Variants in RBFOX1 observed in about 807,000 individuals in gnomAD.
RBFOX1 encodes the protein RNA binding protein fox-1 homolog 1.
In RBFOX1, 8 loss-of-function variants were observed where a neutral mutation model predicts 57.7. The observed-to-expected ratio is 0.14, with a 90% CI of 0.08 to 0.25. The LOEUF (loss-of-function observed/expected upper bound fraction) is 0.25, where lower values mean the gene tolerates loss of function less well. Ranked by LOEUF, RBFOX1 falls within the 10% of genes least tolerant of loss-of-function variation. The pLI, the probability that RBFOX1 is intolerant of heterozygous loss-of-function variation, is 1.00. For synonymous variants in RBFOX1, 326 were observed against 222.4 expected, an observed-to-expected ratio of 1.47 and a Z score of -4.15; for missense variants, 611 against 548.5, an observed-to-expected ratio of 1.11 and a Z score of -1.14.
At chr16:7,227,305 C>A (rs1168846128) in intron 4 of RBFOX1, among the ~76,000 whole-genome samples, 1 of 132,372 alleles carries the variant, frequency 7.6e-6, no homozygotes, top group Admixed American at 8.2e-5. Flanking sequence ...CACACACACA[C>A]ACAGCAAGGG....
intron 3 of RBFOX1, among the ~76,000 whole-genome samples, chr16:5,616,413 C>T (rs1003663499): frequency 6.6e-6 from 1 of 152,158 alleles, no homozygotes; most frequent in Non-Finnish European, 1.5e-5. Flanking sequence ...TCCTGAGAGC[C>T]TTGGCTCAGA....
At chr16:6,873,833 T>G (rs1466860661) in intron 3 of RBFOX1, 2 of 152,166 alleles carry the variant, frequency 1.3e-5, no homozygotes, top group Non-Finnish European at 2.9e-5. Flanking sequence ...ACCGAGACTT[T>G]GAAACATTAA....
At chr16:6,513,064 A>G (rs575530107) in intron 2 of RBFOX1, among the ~76,000 whole-genome samples, 40 of 152,324 alleles carry the variant, frequency 2.6e-4, no homozygotes, top group African/African-American at 9.1e-4. Flanking sequence ...AATATGGCAC[A>G]GTATTGAAGA....
intron 4 of RBFOX1, among the ~76,000 whole-genome samples, chr16:7,361,054 T>G (rs945300666): frequency 1.3e-5 from 2 of 152,224 alleles, no homozygotes; most frequent in Non-Finnish European, 2.9e-5. Context: ...GCGTGGTAGA[T>G]GTTTGTAAAC....
At chr16:5,572,503 C>G (rs1041156644) in intron 2 of RBFOX1, among the ~76,000 whole-genome samples, 1 of 152,284 alleles carries the variant, frequency 6.6e-6, no homozygotes, top group Middle Eastern at 3.4e-3. Context: ...TCTCTACTCA[C>G]TGGATACATG....
chr16:5,665,767 C>A lies in RBFOX1; in HGVS notation c.318+66806C>A, dbSNP rs193185289. 2.7e-3 allele frequency among the ~76,000 whole-genome samples: 412 copies of A among 152,292 alleles called. 1 individual carries two copies. Among genetic ancestry groups the A allele is most frequent in the African/African-American group, 9.3e-3 (387 of 41,546 alleles). On this transcript the variant is annotated intron_variant, in intron 3 of 19. Transcript: ENST00000641259. ...ACTCAGCTGCCCCAGTCCCTCAGGC[C>A]CTCACAGGGGGTTCGGGCACAGTCG...
At chr16:6,883,813 C>G (rs746674629) in intron 3 of RBFOX1, among the ~76,000 whole-genome samples, 3 of 150,356 alleles carry the variant, frequency 2.0e-5, no homozygotes, top group Non-Finnish European at 4.4e-5. Flanking sequence ...TTTCTTTTCT[C>G]TATTATTATC....
At chr16:7,489,890 G>A (rs2066479360) in intron 4 of RBFOX1, among the ~76,000 whole-genome samples, 1 of 151,970 alleles carries the variant, frequency 6.6e-6, no homozygotes, top group Non-Finnish European at 1.5e-5. Context: ...ACCTTTTAAT[G>A]ATGCATGTAC....
At chr16:6,671,245 A>G (rs767270186) in intron 3 of RBFOX1, among the ~76,000 whole-genome samples, 8 of 152,186 alleles carry the variant, frequency 5.3e-5, no homozygotes, top group Non-Finnish European at 1.0e-4. Context: ...TCTTAAGGTA[A>G]TGGCTTCTTA....
intron 3 of RBFOX1, among the ~76,000 whole-genome samples, chr16:5,829,348 A>T (rs1190119347): frequency 6.6e-6 from 1 of 152,218 alleles, no homozygotes; most frequent in Non-Finnish European, 1.5e-5. Context: ...TGAAAAGATC[A>T]TCTTGATGAC....
chr16:6,293,962 G>A (rs897054479), intron 1 of RBFOX1, among the ~76,000 whole-genome samples: 1 of 151,894 alleles, frequency 6.6e-6, no homozygotes, highest in African/African-American at 2.4e-5. Flanking sequence ...AAACATTTCA[G>A]TGAATAAAAT....
chr16:7,390,547 CT>C (rs1454213237), intron 4 of RBFOX1, among the ~76,000 whole-genome samples: 1 of 152,184 alleles, frequency 6.6e-6, no homozygotes, highest in Non-Finnish European at 1.5e-5. Flanking sequence ...GAAAATGCAC[CT>C]AAAGCATCTT....
At chr16:6,534,386 A>G (rs1047136740) in intron 2 of RBFOX1, among the ~76,000 whole-genome samples, 2 of 152,102 alleles carry the variant, frequency 1.3e-5, no homozygotes, top group African/African-American at 4.8e-5. Flanking sequence ...AAATTGGCCT[A>G]TGGGGATGGA....
intron 3 of RBFOX1, among the ~76,000 whole-genome samples, chr16:5,850,874 G>C (rs1024760133): frequency 6.6e-6 from 1 of 152,250 alleles, no homozygotes; most frequent in African/African-American, 2.4e-5. Context: ...CAGCGTGGGA[G>C]AAGTGATGAA....
At chr16:6,611,259 G>T (rs1315587377) in intron 2 of RBFOX1, among the ~76,000 whole-genome samples, 2 of 152,138 alleles carry the variant, frequency 1.3e-5, no homozygotes, top group African/African-American at 4.8e-5. Context: ...CAATTCTCCT[G>T]CCTCAGCCTC....
chr16:6,618,989 G>C (rs1309374083), intron 2 of RBFOX1, among the ~76,000 whole-genome samples: 1 of 152,200 alleles, frequency 6.6e-6, no homozygotes, highest in Non-Finnish European at 1.5e-5. Flanking sequence ...AGAGTGGGAA[G>C]CTGAAAAGAC....
intron 4 of RBFOX1, among the ~76,000 whole-genome samples, chr16:5,967,155 G>T (rs1201766800): frequency 6.6e-6 from 1 of 151,960 alleles, no homozygotes; most frequent in Admixed American, 6.6e-5. Flanking sequence ...CATCTGGCCC[G>T]CAAAGCCACA....
At chr16:6,045,988 A>G (rs1395468874) in intron 1 of RBFOX1, among the ~76,000 whole-genome samples, 3 of 152,200 alleles carry the variant, frequency 2.0e-5, no homozygotes, top group Admixed American at 6.5e-5. Context: ...TGAGGAGATG[A>G]GTTGTGTGGA....
intron 2 of RBFOX1, among the ~76,000 whole-genome samples, chr16:6,645,942 C>T (rs1398782533): frequency 6.6e-6 from 1 of 152,258 alleles, no homozygotes; most frequent in South Asian, 2.1e-4. Flanking sequence ...TAAACCCTAG[C>T]AGTGTGATTC....
Sources: allele counts gnomAD v4.1 joint callset (sites outside exome capture counted in the v4.1 genomes callset), GRCh38; gene constraint gnomAD v4.1.1; transcripts MANE v1.5; gene names NCBI Gene and HGNC (gene_info 2026-07-23, HGNC 2026-07-21).